ATP11A: variants seen among roughly 807,000 people sequenced by gnomAD.
ATP11A encodes the protein phospholipid-transporting ATPase IH.
In ATP11A, 81 loss-of-function variants were observed where a neutral mutation model predicts 154.4. The ratio of observed to expected loss-of-function variants is 0.52; its 90% CI spans 0.44 to 0.63. ATP11A has a LOEUF of 0.63. Ranked by LOEUF, ATP11A falls within the 30% of genes least tolerant of loss-of-function variation. The pLI, the probability that ATP11A is intolerant of heterozygous loss-of-function variation, is 0.00. For missense variants in ATP11A, 1,316 were observed against 1,474.3 expected, an observed-to-expected ratio of 0.89 and a Z score of 1.76; for synonymous variants, 623 against 585.9, an observed-to-expected ratio of 1.06 and a Z score of -0.91.
intron 1 of ATP11A, among the ~76,000 whole-genome samples, chr13:112,729,751 C>T (rs1005144343): frequency 9.2e-5 from 14 of 152,260 alleles, no homozygotes; most frequent in East Asian, 3.8e-4. Context: ...GCCAGCAGGC[C>T]GCTGAATCTC....
In ATP11A at chr13:112,882,096, CGT is replaced by C; in HGVS notation, c.*232_*233del. ...GTCCTAAGCCTGTGGAGACTGTGCA[CGT>C]GCCTCTTCCTGGCCCCCAGCAGGCA... is the stretch of plus-strand genomic sequence containing the variant. On this transcript the variant is annotated 3_prime_UTR_variant, in exon 30 of 30. Coordinates refer to ENST00000375645, the MANE Select transcript of ATP11A (RefSeq NM_015205.3). The surrounding 1 kb of genome is among the most constrained non-coding windows in gnomAD (Gnocchi z 5.1). 1 of 1,354,324 alleles carries C rather than the reference CGT, an allele frequency of 7.4e-7. No homozygotes were observed. Among genetic ancestry groups the C allele is most frequent in the South Asian group, 1.1e-5 (1 of 87,648 alleles). 83.9% of individuals were successfully genotyped at this position (1,354,324 alleles called of 1,614,324 possible).
chr13:112,869,578 G>C (rs554259080), intron 25 of ATP11A, among the ~76,000 whole-genome samples: 15 of 152,342 alleles, frequency 9.8e-5, no homozygotes, highest in African/African-American at 3.6e-4. Flanking sequence ...CTCTTTCAGA[G>C]TTCTGTGTTG....
At chr13:112,880,592 A>G (rs2080855439) in intron 29 of ATP11A, 2 of 1,300,832 alleles carry the variant, frequency 1.5e-6, no homozygotes, top group Non-Finnish European at 2.0e-6. Flanking sequence ...CAGAGCAGCG[A>G]TGGGCCCCTC....
Position 112,819,309 on chromosome 13 carries a change from T to C in ATP11A, c.576T>C (p.His192=), listed in dbSNP as rs767702688. Residue 192 remains histidine (H), a synonymous_variant, in exon 7 of 30, where the codon CAT becomes CAC. Coordinates refer to ENST00000375645, the MANE Select transcript of ATP11A (RefSeq NM_015205.3). The part of the protein sequence containing the change: ...SLDGESSHKT[H]YAVQDTKGFH... Reference sequence around the variant, plus strand: ...CATGTCTTGTGCATTTGTAGACGCATTACGCGGTCCAGGACACCAAAGGCT... The same window carrying C: ...CATGTCTTGTGCATTTGTAGACGCACTACGCGGTCCAGGACACCAAAGGCT... 1 of 1,614,178 alleles carries C rather than the reference T, an allele frequency of 6.2e-7. No individual in the cohort carries two copies. Among genetic ancestry groups the C allele is most frequent in the African/African-American group, 1.3e-5 (1 of 75,066 alleles).
intron 5 of ATP11A, among the ~76,000 whole-genome samples, chr13:112,815,812 A>G (rs1006413482): frequency 1.3e-5 from 2 of 151,954 alleles, no homozygotes; most frequent in Non-Finnish European, 2.9e-5. Context: ...CTCACAGAAC[A>G]CTCCAACTCG....
intron 5 of ATP11A, 150 bp from the exon 6 acceptor site, chr13:112,815,933 T>G (rs900707792): frequency 4.5e-6 from 5 of 1,100,006 alleles, no homozygotes; most frequent in African/African-American, 1.6e-5. Flanking sequence ...CCCAGCAGAA[T>G]GTCTGGCAAG....
At chr13:112,717,095 C>T (rs1489431054) in intron 1 of ATP11A, among the ~76,000 whole-genome samples, 1 of 152,182 alleles carries the variant, frequency 6.6e-6, no homozygotes, top group Non-Finnish European at 1.5e-5. Context: ...TGACCTTGAC[C>T]AGGAAGAGAA....
rs770751882 is a variant in ATP11A, at chr13:112,881,910, C to T, written c.*44C>T. 1.5e-6 allele frequency: 2 copies of T among 1,367,792 alleles called. No individual in the cohort carries two copies. The highest frequency in any genetic ancestry group is 9.8e-7 in the Non-Finnish European group (1 of 1,021,994). 84.7% of individuals were successfully genotyped at this position (1,367,792 alleles called of 1,614,324 possible). ...TACCAGAGCACCTGTCCCTCGGCCGCCTGGTACAGCTCCCACTCTCAGCAG... is the reference window on the plus strand; with the variant it reads ...TACCAGAGCACCTGTCCCTCGGCCGTCTGGTACAGCTCCCACTCTCAGCAG... On this transcript the variant is annotated 3_prime_UTR_variant, in exon 30 of 30. Transcript: ENST00000375645.
At chr13:112,826,042 A>T (rs408724) in intron 11 of ATP11A, among the ~76,000 whole-genome samples, 93,726 of 150,980 alleles carry the variant, frequency 0.62, 29,562 homozygotes, top group African/African-American at 0.73. Context: ...CAGGGCCATG[A>T]ACAAACCCAG....
intron 1 of ATP11A, among the ~76,000 whole-genome samples, chr13:112,776,991 T>G (rs1003627735): frequency 1.3e-5 from 2 of 152,278 alleles, no homozygotes; most frequent in South Asian, 2.1e-4. Flanking sequence ...GCATCGTAGA[T>G]CTTCTGAAAC....
chr13:112,810,623 A>G lies in ATP11A; in HGVS notation c.338A>G (p.Tyr113Cys). ...TTCTTTCCTTCCTTTTTTTAGGGTT[A>G]TGAAGACTGGCTTCGACATAAAGCA... is the stretch of plus-strand genomic sequence containing the variant. The part of the protein sequence containing the change: ...VITVTAIKQG[Y>C]EDWLRHKADN... The change falls in exon 5 of 30, where the codon TAT becomes TGT. Residue 113 changes from tyrosine to cysteine, a missense_variant. Tyr to Cys is a radical substitution (Grantham distance 194). Coordinates refer to ENST00000375645, the MANE Select transcript of ATP11A (RefSeq NM_015205.3). 1 of 1,613,382 alleles carries G rather than the reference A, an allele frequency of 6.2e-7. No homozygotes were observed. Among genetic ancestry groups the G allele is most frequent in the Non-Finnish European group, 8.5e-7 (1 of 1,179,696 alleles).
At chr13:112,860,493 C>A in intron 24 of ATP11A, 79 bp downstream of exon 24, 1 of 1,555,124 alleles carries the variant, frequency 6.4e-7, no homozygotes, top group Non-Finnish European at 8.8e-7. Flanking sequence ...CCAATAGCCA[C>A]CTGGCAGACC....
rs1206178211 is a variant in ATP11A at position 112,697,248 on chromosome 13, C to G, written c.39+6793C>G. ...CCACGGTGGGCTCCTAGTGGCCTTT[C>G]TTCCCTCTCCATCAACATCCTTGTC... is the stretch of plus-strand genomic sequence containing the variant. On this transcript the variant is annotated intron_variant, in intron 1 of 29. Coordinates refer to ENST00000375645, the MANE Select transcript of ATP11A (RefSeq NM_015205.3). This position sits in a 1 kb window ranked among gnomAD's most constrained non-coding sequence, Gnocchi z 4.0. Among the ~76,000 whole-genome samples, 1 of 152,204 alleles carries G rather than the reference C, an allele frequency of 6.6e-6. No individual in the cohort carries two copies. Among genetic ancestry groups the G allele is most frequent in the East Asian group, 1.9e-4 (1 of 5,176 alleles).
intron 1 of ATP11A, among the ~76,000 whole-genome samples, chr13:112,778,677 TGGAGTGAGTAGCC>T (rs1211595555): frequency 4.0e-3 from 243 of 60,122 alleles, no homozygotes; most frequent in African/African-American, 0.02. Flanking sequence ...GAGTAGCCAC[TGGAGTGAGTAGCC>T]GCTGGAGTGA....
intron 20 of ATP11A, 72 bp downstream of exon 20, chr13:112,856,157 AC>A (rs2079917978): frequency 6.9e-7 from 1 of 1,439,510 alleles, no homozygotes; most frequent in African/African-American, 1.4e-5. Context: ...GTTAGGTCTC[AC>A]CGCCTCAGAT....
chr13:112,797,227 G>A (rs2078022615), intron 2 of ATP11A, among the ~76,000 whole-genome samples: 1 of 136,382 alleles, frequency 7.3e-6, no homozygotes, highest in African/African-American at 2.8e-5. Flanking sequence ...AGGTTGCAGT[G>A]AGCCAAGATA....
At chr13:112,776,149 C>T (rs1299862380) in intron 1 of ATP11A, among the ~76,000 whole-genome samples, 3 of 152,204 alleles carry the variant, frequency 2.0e-5, no homozygotes, top group African/African-American at 7.2e-5. Context: ...TTCATGTTGA[C>T]ATCTGTTACT....
At chr13:112,795,316 T>C (rs548215917) in intron 2 of ATP11A, among the ~76,000 whole-genome samples, 10 of 152,326 alleles carry the variant, frequency 6.6e-5, no homozygotes, top group African/African-American at 2.4e-4. Flanking sequence ...TGGAAGTAGA[T>C]CTGCATGTTT....
chr13:112,751,271 C>T (rs535426532), intron 1 of ATP11A, among the ~76,000 whole-genome samples: 4 of 152,340 alleles, frequency 2.6e-5, no homozygotes, highest in African/African-American at 9.6e-5. Context: ...GTACGTTTTT[C>T]TTCCATGAAC....
Sources: gnomAD v4.1 joint callset for allele counts (sites outside exome capture counted in the v4.1 genomes callset) on GRCh38, gnomAD v4.1.1 for gene constraint, Gnocchi (gnomAD v3.1) non-coding constraint, MANE v1.5 for transcripts, NCBI Gene and HGNC (gene_info 2026-07-23, HGNC 2026-07-21) for gene names.